Variants in GLYATL2 observed in about 807,000 individuals in gnomAD.
GLYATL2 encodes glycine N-acyltransferase-like protein 2.
Under a neutral mutation model 21.4 loss-of-function variants are expected in GLYATL2, and 25 were observed. The observed-to-expected ratio is 1.17, with a 90% CI of 0.85 to 1.63. The LOEUF (loss-of-function observed/expected upper bound fraction) is 1.63. Ranked by LOEUF, GLYATL2 falls within the 40% of genes most tolerant of loss-of-function variation. The pLI is 0.00. For synonymous variants in GLYATL2, 114 were observed against 118.2 expected (o/e 0.96, Z 0.23); for missense variants, 361 against 343.3 (o/e 1.05, Z -0.41).
intron 1 of GLYATL2, among the ~76,000 whole-genome samples, chr11:58,861,729 T>C (rs1853936081): frequency 6.6e-6 from 1 of 152,104 alleles, no homozygotes; most frequent in South Asian, 2.1e-4. Context: ...TGAGTTTCCA[T>C]TTTTGCTGGT....
intron 1 of GLYATL2, among the ~76,000 whole-genome samples, chr11:58,877,164 C>T (rs1040856339): frequency 2.6e-5 from 4 of 152,212 alleles, no homozygotes; most frequent in Non-Finnish European, 4.4e-5. Context: ...GGGAGTAACC[C>T]GATTTTCCAG....
At chr11:58,859,657 C>G (rs1206638877) in intron 1 of GLYATL2, among the ~76,000 whole-genome samples, 1 of 152,146 alleles carries the variant, frequency 6.6e-6, no homozygotes, top group Non-Finnish European at 1.5e-5. Flanking sequence ...CCTTCGTTAT[C>G]TGTGCTTTAG....
chr11:58,860,938 G>A (rs1853920050), intron 1 of GLYATL2, among the ~76,000 whole-genome samples: 1 of 151,992 alleles, frequency 6.6e-6, no homozygotes, highest in Non-Finnish European at 1.5e-5. Flanking sequence ...GCATCCCTAT[G>A]TTAAAGCCCA....
At position 58,849,843 on chromosome 11, in the gene GLYATL2, G is replaced by A. The variant is rs147767035; in HGVS notation, n.61-11475C>T. ...GGAGAAATACCTAATGTAGATGACA[G>A]GTTGATGGGTGCAGCAAACTACCAT... is the stretch of plus-strand genomic sequence containing the variant. On this transcript the variant is annotated intron_variant and non_coding_transcript_variant, in intron 1 of 4. Coordinates refer to the GLYATL2 transcript ENST00000533636. Among the ~76,000 whole-genome samples the A allele has an allele frequency of 2.1e-3, 322 of 152,192 alleles. 1 individual carries two copies. The highest frequency in any genetic ancestry group is 3.7e-3 in the Non-Finnish European group (252 of 68,008).
intron 4 of GLYATL2, 42 bp downstream of exon 4, chr11:58,837,229 G>A (rs1394514164): frequency 1.9e-6 from 3 of 1,612,976 alleles, no homozygotes; most frequent in South Asian, 2.2e-5. Context: ...TATCGGCTAG[G>A]AATAAACCAT....
At chr11:58,840,334 G>A (rs956417970) in intron 1 of GLYATL2, among the ~76,000 whole-genome samples, 1 of 151,938 alleles carries the variant, frequency 6.6e-6, no homozygotes, top group African/African-American at 2.4e-5. Context: ...ATATGTTTAA[G>A]GATGTAAACA....
intron 1 of GLYATL2, among the ~76,000 whole-genome samples, chr11:58,859,031 C>T (rs1169023168): frequency 6.6e-6 from 1 of 152,162 alleles, no homozygotes; most frequent in Non-Finnish European, 1.5e-5. Flanking sequence ...AGTCAAAAAC[C>T]TCTAACCCAT....
chr11:58,881,852 C>T (rs1308271484), intron 1 of GLYATL2, among the ~76,000 whole-genome samples: 2 of 152,078 alleles, frequency 1.3e-5, no homozygotes, highest in Admixed American at 1.3e-4. Flanking sequence ...GTTTTCTGTC[C>T]TTGTGATAGT....
At chr11:58,904,539 G>T (rs1379595485), upstream of GLYATL2, among the ~76,000 whole-genome samples, 4 of 152,190 alleles carry the variant, frequency 2.6e-5, no homozygotes, top group African/African-American at 7.2e-5. Context: ...ACAATGAAAA[G>T]AAGATCAAGT....
At chr11:58,909,772 C>T in the GLYATL2 span, among the ~76,000 whole-genome samples, 9 of 152,258 alleles carry the variant, frequency 5.9e-5, 1 homozygote, top group South Asian at 4.1e-4. Context: ...AATAAGAGCT[C>T]TCCATATTGC....
At chr11:58,878,920 T>C (rs1854284902) in intron 1 of GLYATL2, among the ~76,000 whole-genome samples, 1 of 152,216 alleles carries the variant, frequency 6.6e-6, no homozygotes, top group African/African-American at 2.4e-5. Context: ...AAGTCCCTTT[T>C]GGCTAAGAAT....
intron 1 of GLYATL2, among the ~76,000 whole-genome samples, chr11:58,850,485 A>G (rs952032129): frequency 6.6e-6 from 1 of 152,124 alleles, no homozygotes; most frequent in Non-Finnish European, 1.5e-5. Flanking sequence ...TTATTCCAAT[A>G]TTATAATAAT....
intron 1 of GLYATL2, among the ~76,000 whole-genome samples, chr11:58,875,301 T>C (rs1854207590): frequency 6.6e-6 from 1 of 152,234 alleles, no homozygotes; most frequent in South Asian, 2.1e-4. Flanking sequence ...TTAAGGTTAG[T>C]ACTGTTATGT....
chr11:58,898,357 C>G (rs1337669778), intron 1 of GLYATL2, among the ~76,000 whole-genome samples: 1 of 152,132 alleles, frequency 6.6e-6, no homozygotes. Flanking sequence ...CAGTGTGTCT[C>G]TTCTATTTAA....
chr11:58,848,556 A>G (rs1337193238), upstream of GLYATL2, among the ~76,000 whole-genome samples: 1 of 152,246 alleles, frequency 6.6e-6, no homozygotes, highest in African/African-American at 2.4e-5. Context: ...TGCAATTGTC[A>G]TACTGAAGAA....
intron 1 of GLYATL2, among the ~76,000 whole-genome samples, chr11:58,865,550 C>T (rs1854009065): frequency 6.7e-6 from 1 of 149,136 alleles, no homozygotes; most frequent in African/African-American, 2.4e-5. Context: ...AGAACAACGG[C>T]TTGGGATTCA....
At chr11:58,865,954 T>A (rs1479461975) in intron 1 of GLYATL2, among the ~76,000 whole-genome samples, 1 of 149,002 alleles carries the variant, frequency 6.7e-6, no homozygotes, top group Non-Finnish European at 1.5e-5. Flanking sequence ...CTAAGAGCAC[T>A]AGAACACATC....
In GLYATL2 at chr11:58,855,309, A is replaced by G. The variant is rs2134589970; in HGVS notation, n.61-16941T>C. 2.0e-5 allele frequency among the ~76,000 whole-genome samples: 3 copies of G among 152,350 alleles called. No homozygotes were observed. In the South Asian group the frequency reaches 6.2e-4, roughly 32 times the overall value. On this transcript the variant is annotated intron_variant and non_coding_transcript_variant, in intron 1 of 4. Coordinates refer to the GLYATL2 transcript ENST00000533636. ...TGGATGTATGTTAGCAAGCATGAAA[A>G]AAAATTAATGTCCTTGTACATCTCC...
chr11:58,899,319 G>A (rs1391061528), intron 1 of GLYATL2, among the ~76,000 whole-genome samples: 2 of 151,720 alleles, frequency 1.3e-5, no homozygotes, highest in Non-Finnish European at 2.9e-5. Flanking sequence ...ACTCCCAACC[G>A]TTTCTCAGTC....
Sources: allele counts gnomAD v4.1 joint callset (sites outside exome capture counted in the v4.1 genomes callset), GRCh38; gene constraint gnomAD v4.1.1; transcripts MANE v1.5; gene names NCBI Gene and HGNC (gene_info 2026-07-23, HGNC 2026-07-21).